The following SLC24A2 variants were observed in gnomAD, a reference collection of about 807,000 sequenced individuals.
SLC24A2 encodes the protein sodium/potassium/calcium exchanger 2.
In SLC24A2, 36 loss-of-function variants were observed where a neutral mutation model predicts 62.0. The ratio of observed to expected loss-of-function variants is 0.58; its 90% CI spans 0.44 to 0.77. SLC24A2 has a LOEUF of 0.77. SLC24A2 is among the 30% of genes least tolerant of loss of function. SLC24A2 has a pLI of 0.00. For synonymous variants in SLC24A2, 358 were observed against 294.0 expected, an observed-to-expected ratio of 1.22 and a Z score of -2.23; for missense variants, 846 against 817.9, an observed-to-expected ratio of 1.03 and a Z score of -0.42.
the SLC24A2 span, among the ~76,000 whole-genome samples, chr9:20,073,545 G>A: frequency 6.6e-6 from 1 of 151,952 alleles, no homozygotes; most frequent in African/African-American, 2.4e-5. Flanking sequence ...GGAAATATAG[G>A]GGACCATATC....
chr9:20,260,682 G>C, the SLC24A2 span, among the ~76,000 whole-genome samples: 1 of 151,866 alleles, frequency 6.6e-6, no homozygotes, highest in Non-Finnish European at 1.5e-5. Flanking sequence ...GGTTTGTGGA[G>C]AACAGGTGGT....
the SLC24A2 span, among the ~76,000 whole-genome samples, chr9:20,029,465 C>A: frequency 6.6e-6 from 1 of 152,112 alleles, no homozygotes; most frequent in Admixed American, 6.5e-5. Flanking sequence ...TTAGAAACAC[C>A]ACAGTTCCAA....
chr9:19,615,241 T>C (rs1817734477), intron 4 of SLC24A2, among the ~76,000 whole-genome samples: 1 of 152,188 alleles, frequency 6.6e-6, no homozygotes, highest in South Asian at 2.1e-4. Flanking sequence ...TAGTTCCCTT[T>C]TGAACATACA....
chr9:19,721,231 A>T, intron 2 of SLC24A2, among the ~76,000 whole-genome samples: 1 of 152,148 alleles, frequency 6.6e-6, no homozygotes, highest in Non-Finnish European at 1.5e-5. Context: ...AATACAACTC[A>T]CCTGGTTTAT....
At chr9:19,850,978 T>C in the SLC24A2 span, among the ~76,000 whole-genome samples, 143 of 43,908 alleles carry the variant, frequency 3.3e-3, 5 homozygotes, top group African/African-American at 0.011. Context: ...TATATATATA[T>C]ATATATGTAT....
In SLC24A2 at chr9:19,514,757, T is replaced by A. The variant is rs1832860142; in HGVS notation, c.*1396A>T. On this transcript the variant is annotated 3_prime_UTR_variant, in exon 11 of 11. Transcript: ENST00000341998. ...GTCTTGATGGAAGAAGAGACATAGA[T>A]GTTACAAGAACTTTAACCAAAGCCT... is the stretch of plus-strand genomic sequence containing the variant. 2.0e-5 allele frequency: 3 copies of A among 152,188 alleles called. No individual in the cohort carries two copies. The highest frequency in any genetic ancestry group is 6.5e-5 in the Admixed American group (1 of 15,278). 9.4% of individuals were successfully genotyped at this position (152,188 alleles called of 1,614,324 possible). A position where few individuals can be genotyped will look rare whatever the true frequency, so the allele number is the denominator to read the frequency against.
chr9:20,264,854 G>A, the SLC24A2 span, among the ~76,000 whole-genome samples: 2 of 152,200 alleles, frequency 1.3e-5, no homozygotes, highest in African/African-American at 4.8e-5. Context: ...TGGTATTAAT[G>A]CCTTCCAGAG....
intron 7 of SLC24A2, among the ~76,000 whole-genome samples, chr9:19,552,897 A>T (rs977152257): frequency 1.3e-5 from 2 of 152,218 alleles, no homozygotes; most frequent in African/African-American, 4.8e-5. Flanking sequence ...CTACTGTCCA[A>T]TGCAAACAAT....
intron 2 of SLC24A2, among the ~76,000 whole-genome samples, chr9:19,778,384 C>T (rs538953553): frequency 2.6e-5 from 4 of 151,958 alleles, no homozygotes; most frequent in East Asian, 1.9e-4. Flanking sequence ...GGCCTGATAG[C>T]GGGAAGGGAG....
chr9:19,861,941 G>A, the SLC24A2 span, among the ~76,000 whole-genome samples: 2 of 152,204 alleles, frequency 1.3e-5, no homozygotes, highest in African/African-American at 4.8e-5. Context: ...GCATGTCTAC[G>A]GGATCTAGAG....
At chr9:20,012,181 A>G in the SLC24A2 span, among the ~76,000 whole-genome samples, 1 of 152,248 alleles carries the variant, frequency 6.6e-6, no homozygotes, top group East Asian at 1.9e-4. Flanking sequence ...TGATAAAGAC[A>G]TACCTGAGAC....
chr9:20,142,809 T>A, the SLC24A2 span, among the ~76,000 whole-genome samples: 1 of 152,180 alleles, frequency 6.6e-6, no homozygotes, highest in African/African-American at 2.4e-5. Context: ...TTGGTCAGGC[T>A]GGTCTCGAAC....
At chr9:20,098,259 A>T in the SLC24A2 span, among the ~76,000 whole-genome samples, 1 of 152,210 alleles carries the variant, frequency 6.6e-6, no homozygotes, top group Non-Finnish European at 1.5e-5. Flanking sequence ...ATATCAGACT[A>T]TATTACTAGT....
At chr9:20,138,586 T>C in the SLC24A2 span, among the ~76,000 whole-genome samples, 2 of 152,240 alleles carry the variant, frequency 1.3e-5, no homozygotes, top group Non-Finnish European at 2.9e-5. Context: ...TGTGGGCATT[T>C]ACCTCAGCTT....
At chr9:19,715,706 C>A (rs575471503) in intron 2 of SLC24A2, among the ~76,000 whole-genome samples, 25 of 152,282 alleles carry the variant, frequency 1.6e-4, no homozygotes, top group Non-Finnish European at 2.5e-4. Flanking sequence ...CTGGAGGGTA[C>A]TTATAAATGC....
At chr9:19,549,238 C>G (rs1834727699) in intron 8 of SLC24A2, among the ~76,000 whole-genome samples, 1 of 152,182 alleles carries the variant, frequency 6.6e-6, no homozygotes, top group Admixed American at 6.5e-5. Flanking sequence ...TGCTTCAGAC[C>G]TTCAGTTGCC....
At chr9:20,278,085 G>T in the SLC24A2 span, among the ~76,000 whole-genome samples, 1 of 151,820 alleles carries the variant, frequency 6.6e-6, no homozygotes, top group African/African-American at 2.4e-5. Flanking sequence ...AGGGTCTGTC[G>T]TGGGGTTGGG....
chr9:20,134,661 T>A, the SLC24A2 span, among the ~76,000 whole-genome samples: 20,026 of 152,186 alleles, frequency 0.13, 1,756 homozygotes, highest in East Asian at 0.45. Flanking sequence ...TAGAGTCCCA[T>A]TAGTTTTCTT....
chr9:19,813,375 T>A, the SLC24A2 span, among the ~76,000 whole-genome samples: 1 of 128,440 alleles, frequency 7.8e-6, no homozygotes, highest in Admixed American at 1.0e-4. Flanking sequence ...TAGGCTGGAA[T>A]GCGGTGGCAC....
Sources: gnomAD v4.1 joint callset for allele counts (sites outside exome capture counted in the v4.1 genomes callset) on GRCh38, gnomAD v4.1.1 for gene constraint, MANE v1.5 for transcripts, NCBI Gene and HGNC (gene_info 2026-07-23, HGNC 2026-07-21) for gene names.